Variants in PCSK2 observed in about 807,000 individuals in gnomAD.
PCSK2 encodes proprotein convertase subtilisin/kexin type 2, also known as neuroendocrine convertase 2.
A neutral mutation model predicts 69.7 loss-of-function variants in PCSK2; 14 were observed. The observed-to-expected ratio is 0.20, with a 90% CI of 0.13 to 0.31. PCSK2 has a LOEUF of 0.31. Among genes scored for constraint, PCSK2 ranks in the 10% least tolerant of loss-of-function variants. The pLI is 1.00. For synonymous variants in PCSK2, 307 were observed against 320.7 expected, an observed-to-expected ratio of 0.96 and a Z score of 0.46; for missense variants, 544 against 842.5, an observed-to-expected ratio of 0.65 and a Z score of 4.39.
At chr20:17,279,916 TTTTA>T (rs1287663060) in intron 2 of PCSK2, among the ~76,000 whole-genome samples, 1 of 152,144 alleles carries the variant, frequency 6.6e-6, no homozygotes, top group Non-Finnish European at 1.5e-5. Flanking sequence ...TTTTTTATTT[TTTTA>T]TTTTATTTTT....
At chr20:17,351,472 C>G (rs1439219138) in intron 2 of PCSK2, among the ~76,000 whole-genome samples, 2 of 152,120 alleles carry the variant, frequency 1.3e-5, no homozygotes, top group African/African-American at 4.8e-5. Context: ...CAAACCAAAT[C>G]CAGCAGCACA....
At chr20:17,428,433 A>G (rs989999624) in intron 6 of PCSK2, among the ~76,000 whole-genome samples, 2 of 151,992 alleles carry the variant, frequency 1.3e-5, no homozygotes, top group African/African-American at 4.8e-5. Flanking sequence ...TGTATTTTCA[A>G]TCCTTGCATG....
intron 2 of PCSK2, among the ~76,000 whole-genome samples, chr20:17,309,457 C>T (rs1168580968): frequency 6.6e-6 from 1 of 152,132 alleles, no homozygotes; most frequent in South Asian, 2.1e-4. Context: ...CTGCAGAGTA[C>T]TAAACCATAG....
chr20:17,448,538 G>A (rs1276575828), intron 8 of PCSK2, among the ~76,000 whole-genome samples: 1 of 152,154 alleles, frequency 6.6e-6, no homozygotes, highest in Non-Finnish European at 1.5e-5. Flanking sequence ...CTCTCACTGA[G>A]CAGGGTTTCT....
chr20:17,269,628 T>C (rs1600431068), intron 2 of PCSK2, among the ~76,000 whole-genome samples: 1 of 152,286 alleles, frequency 6.6e-6, no homozygotes, highest in African/African-American at 2.4e-5. Flanking sequence ...GGTAGTGTGC[T>C]TTAAAGCAGC....
chr20:17,277,296 T>C (rs922131033), intron 2 of PCSK2, among the ~76,000 whole-genome samples: 4 of 152,166 alleles, frequency 2.6e-5, no homozygotes, highest in African/African-American at 9.7e-5. Context: ...GCTGGAGGCA[T>C]CACGCTACCT....
chr20:17,474,674 C>T (rs2033262042), intron 11 of PCSK2, among the ~76,000 whole-genome samples: 1 of 152,202 alleles, frequency 6.6e-6, no homozygotes, highest in Non-Finnish European at 1.5e-5. Context: ...AGAAGATTCA[C>T]ACAGACAGGA....
intron 1 of PCSK2, among the ~76,000 whole-genome samples, chr20:17,243,901 A>G (rs184041850): frequency 1.3e-5 from 2 of 152,382 alleles, no homozygotes; most frequent in Admixed American, 1.3e-4. Flanking sequence ...AATTAAAAAA[A>G]GAAATGACAA....
chr20:17,465,665 T>G (rs1406571295), intron 11 of PCSK2, 112 bp downstream of exon 11: 2 of 696,758 alleles, frequency 2.9e-6, no homozygotes, highest in East Asian at 5.5e-5. Context: ...ACTGTATTTT[T>G]TGTTTGTTTG....
intron 8 of PCSK2, among the ~76,000 whole-genome samples, chr20:17,440,859 T>A (rs1297066312): frequency 9.2e-6 from 1 of 108,708 alleles, no homozygotes. Context: ...TGAAACTCTA[T>A]CTCAAAAAAA....
intron 2 of PCSK2, among the ~76,000 whole-genome samples, chr20:17,321,776 A>G (rs1989876460): frequency 6.6e-6 from 1 of 152,132 alleles, no homozygotes; most frequent in South Asian, 2.1e-4. Flanking sequence ...ATTGATTCCG[A>G]CATTCCAAGA....
chr20:17,449,681 C>A (rs1453049714), intron 8 of PCSK2, among the ~76,000 whole-genome samples: 2 of 151,872 alleles, frequency 1.3e-5, no homozygotes, highest in Non-Finnish European at 2.9e-5. Flanking sequence ...GCATGCACCA[C>A]CACGCTCAGC....
intron 4 of PCSK2, among the ~76,000 whole-genome samples, chr20:17,367,988 T>G (rs2030647005): frequency 6.6e-6 from 1 of 152,174 alleles, no homozygotes; most frequent in Non-Finnish European, 1.5e-5. Flanking sequence ...CAGCAATTGC[T>G]TCACTCATCA....
chr20:17,431,280 T>C (rs200064243), intron 7 of PCSK2, among the ~76,000 whole-genome samples: 1 of 152,150 alleles, frequency 6.6e-6, no homozygotes, highest in East Asian at 1.9e-4. Context: ...GGCTGCGGCA[T>C]TAATCTGCCA....
At chr20:17,378,030 T>C (rs1297634634) in intron 5 of PCSK2, among the ~76,000 whole-genome samples, 1 of 152,174 alleles carries the variant, frequency 6.6e-6, no homozygotes, top group Non-Finnish European at 1.5e-5. Context: ...CTGTGCAAAA[T>C]GCTATACTAG....
chr20:17,412,187 G>A (rs1389108960), intron 6 of PCSK2, among the ~76,000 whole-genome samples: 1 of 152,180 alleles, frequency 6.6e-6, no homozygotes. Context: ...ACTTTGATGA[G>A]TTGACAGAAG....
At chr20:17,352,644 G>A (rs755000872) in intron 2 of PCSK2, among the ~76,000 whole-genome samples, 15 of 152,146 alleles carry the variant, frequency 9.9e-5, no homozygotes, top group Non-Finnish European at 1.5e-4. Flanking sequence ...CTGTCTAGCC[G>A]TATGCAGAAG....
intron 2 of PCSK2, among the ~76,000 whole-genome samples, chr20:17,287,116 C>G (rs1281907029): frequency 6.6e-6 from 1 of 152,048 alleles, no homozygotes; most frequent in Non-Finnish European, 1.5e-5. Flanking sequence ...GGGCAATCTG[C>G]TTTACTCAGC....
intron 2 of PCSK2, among the ~76,000 whole-genome samples, chr20:17,322,854 T>TTTTTG (rs1224429599): frequency 1.3e-4 from 20 of 152,240 alleles, no homozygotes; most frequent in East Asian, 5.8e-4. Context: ...CCCCAGTTCT[T>TTTTTG]TTTTGTTTTG....
Sources: gnomAD v4.1 joint callset for allele counts (sites outside exome capture counted in the v4.1 genomes callset) on GRCh38, gnomAD v4.1.1 for gene constraint, MANE v1.5 for transcripts, NCBI Gene and HGNC (gene_info 2026-07-23, HGNC 2026-07-21) for gene names.